RNF41: variants seen among roughly 807,000 people sequenced by gnomAD.
RNF41 encodes E3 ubiquitin-protein ligase NRDP1.
Under a neutral mutation model 33.0 loss-of-function variants are expected in RNF41, and 4 were observed. The ratio of observed to expected loss-of-function variants is 0.12; its 90% CI spans 0.06 to 0.28. The LOEUF is 0.28. Ranked by LOEUF, RNF41 falls within the 10% of genes least tolerant of loss-of-function variation. The probability of loss-of-function intolerance (pLI) is 1.00; values close to 1 mark genes in which losing one functional copy is unlikely to be tolerated. For missense variants in RNF41, 228 were observed against 432.6 expected (o/e 0.53, Z 4.19); for synonymous variants, 164 against 153.2 (o/e 1.07, Z -0.52).
intron 3 of RNF41, among the ~76,000 whole-genome samples, chr12:56,211,730 T>G (rs1349502688): frequency 1.3e-5 from 2 of 152,008 alleles, no homozygotes; most frequent in African/African-American, 4.8e-5. Flanking sequence ...CCCAGCACTT[T>G]GGGAGGCTGA....
At chr12:56,208,416 C>G in intron 4 of RNF41, 118 bp from the exon 5 acceptor site, 1 of 1,077,616 alleles carries the variant, frequency 9.3e-7, no homozygotes, top group Non-Finnish European at 1.3e-6. Flanking sequence ...AAATTTCTAA[C>G]ATTCATTTCA....
Position 56,204,750 on chromosome 12 carries a change from A to G in RNF41, c.*1697T>C, listed in dbSNP as rs1317099339. The G allele has an allele frequency of 1.3e-5, 2 of 152,594 alleles. No individual in the cohort carries two copies. The highest frequency in any genetic ancestry group is 6.6e-5 in the Admixed American group (1 of 15,256). The allele number at this position is 152,594 out of a possible 1,614,324, so 9.5% of individuals were successfully genotyped here. A position where few individuals can be genotyped will look rare whatever the true frequency, so the allele number is the denominator to read the frequency against. ...CAGCGTTTTCAAATTCCTGAGCACA[A>G]TGTCCCAGAGCTGGAACCCTACTCC... On this transcript the variant is annotated 3_prime_UTR_variant, in exon 7 of 7. Transcript: ENST00000345093.
intron 1 of RNF41, 22 bp downstream of exon 1, chr12:56,221,738 A>T (rs1869471749): frequency 1.3e-5 from 2 of 152,372 alleles, no homozygotes; most frequent in South Asian, 4.1e-4. Context: ...TAGGTGGAAG[A>T]TCGCGCAGGC....
At chr12:56,208,034 G>C in intron 5 of RNF41, 129 bp downstream of exon 5, 1 of 1,143,642 alleles carries the variant, frequency 8.7e-7, no homozygotes, top group Non-Finnish European at 1.3e-6. Context: ...GCCACAGGCA[G>C]AATATCCACT....
intron 6 of RNF41, 145 bp downstream of exon 6, chr12:56,207,501 C>T: frequency 1.3e-6 from 1 of 772,508 alleles, no homozygotes; most frequent in Non-Finnish European, 2.3e-6. Context: ...TTCTCCTCTG[C>T]CCCTGTCCTT....
intron 2 of RNF41, among the ~76,000 whole-genome samples, chr12:56,216,121 CAA>C (rs967992100): frequency 4.7e-5 from 6 of 126,704 alleles, no homozygotes; most frequent in Admixed American, 7.9e-5. Flanking sequence ...GACTCTGTCT[CAA>C]AAAAAAAAAA....
At chr12:56,213,351 C>T (rs1868624387) in intron 3 of RNF41, among the ~76,000 whole-genome samples, 1 of 152,090 alleles carries the variant, frequency 6.6e-6, no homozygotes, top group South Asian at 2.1e-4. Context: ...AGGTGTGTGC[C>T]ACCACGCCCA....
intron 2 of RNF41, among the ~76,000 whole-genome samples, chr12:56,216,121 CAAA>C (rs967992100): frequency 7.9e-6 from 1 of 126,730 alleles, no homozygotes; most frequent in African/African-American, 3.1e-5. Flanking sequence ...GACTCTGTCT[CAAA>C]AAAAAAAAAG....
chr12:56,210,094 CT>C, intron 4 of RNF41: 1 of 596,680 alleles, frequency 1.7e-6, no homozygotes, highest in Non-Finnish European at 3.0e-6. Flanking sequence ...TGTGCCCCTT[CT>C]TTTGTTAAAG....
At chr12:56,220,825 A>G (rs1242865197) in intron 1 of RNF41, among the ~76,000 whole-genome samples, 1 of 152,052 alleles carries the variant, frequency 6.6e-6, no homozygotes, top group Non-Finnish European at 1.5e-5. Flanking sequence ...TTTTTACTAG[A>G]AGGCAGGGCT....
chr12:56,214,782 T>C (rs1383836258), intron 2 of RNF41, among the ~76,000 whole-genome samples: 4 of 151,918 alleles, frequency 2.6e-5, no homozygotes, highest in South Asian at 2.1e-4. Context: ...TGAGCCGAGA[T>C]TGCACCACAG....
intron 6 of RNF41, chr12:56,207,086 T>C: frequency 1.5e-6 from 2 of 1,344,990 alleles, no homozygotes; most frequent in South Asian, 1.5e-5. Flanking sequence ...TAGTGCTCTA[T>C]GTTTAGTGAA....
intron 4 of RNF41, 101 bp downstream of exon 4, chr12:56,210,196 A>G (rs1868376553): frequency 1.5e-6 from 2 of 1,312,328 alleles, no homozygotes; most frequent in Non-Finnish European, 2.1e-6. Flanking sequence ...CCTTGCCAAC[A>G]TGCCAAAGAG....
intron 4 of RNF41, among the ~76,000 whole-genome samples, chr12:56,208,725 C>T (rs7967464): frequency 0.062 from 9,012 of 145,098 alleles, 852 homozygotes; most frequent in African/African-American, 0.21. Flanking sequence ...CCACCATGGC[C>T]GGCTAACTTT....
intron 2 of RNF41, among the ~76,000 whole-genome samples, chr12:56,215,413 T>C (rs1247544561): frequency 1.3e-5 from 2 of 151,540 alleles, no homozygotes; most frequent in Admixed American, 1.3e-4. Flanking sequence ...GTGGTGGTGG[T>C]GATGGGGATA....
chr12:56,210,013 T>C (rs1868368798), intron 4 of RNF41: 2 of 426,350 alleles, frequency 4.7e-6, no homozygotes, highest in South Asian at 6.9e-5. Flanking sequence ...AAACGGAAAG[T>C]AGTATTGGAC....
In RNF41 at chr12:56,206,328, G is replaced by T; in HGVS notation, c.*119C>A. Reference sequence around the variant, plus strand: ...CCCTTCAGTGCCAGAAGGGCAGGGAGATGTGTGGCTCAGGTATAAGCCACA... The same window carrying T: ...CCCTTCAGTGCCAGAAGGGCAGGGATATGTGTGGCTCAGGTATAAGCCACA... On this transcript the variant is annotated 3_prime_UTR_variant, in exon 7 of 7. Transcript: ENST00000345093. This position sits in a 1 kb window ranked among gnomAD's most constrained non-coding sequence, Gnocchi z 5.7. 3.4e-6 allele frequency: 3 copies of T among 872,150 alleles called. No homozygotes were observed. The highest frequency in any genetic ancestry group is 3.6e-6 in the Non-Finnish European group (2 of 558,370). The allele number at this position is 872,150 out of a possible 1,614,324, so 54.0% of individuals were successfully genotyped here. A position where few individuals can be genotyped will look rare whatever the true frequency, so the allele number is the denominator to read the frequency against.
At chr12:56,211,336 T>A (rs1225938412) in intron 3 of RNF41, among the ~76,000 whole-genome samples, 1 of 151,776 alleles carries the variant, frequency 6.6e-6, no homozygotes, top group Non-Finnish European at 1.5e-5. Context: ...AGAACCTGTT[T>A]CAAAATAAAT....
In RNF41 at chr12:56,206,777, T is replaced by C. The variant is rs746012873; in HGVS notation, c.624A>G (p.Pro208=). ...TCCCTCCCCAGCGGGTCACTCTTGC[T>C]GGCTGAAGGGAGTTCACCCACCTGT... ...EILEWVNSLQ[P]ARVTRWGGMI... Residue 208 remains proline, a synonymous_variant, in exon 7 of 7, where the codon CCA becomes CCG. Coordinates refer to ENST00000345093, the MANE Select transcript of RNF41 (RefSeq NM_005785.4). This position sits in a 1 kb window ranked among gnomAD's most constrained non-coding sequence, Gnocchi z 5.7. 1 of 1,613,820 alleles carries C rather than the reference T, an allele frequency of 6.2e-7. No homozygotes were observed. Among genetic ancestry groups the C allele is most frequent in the South Asian group, 1.1e-5 (1 of 91,064 alleles).
Sources: gnomAD v4.1 joint callset for allele counts (sites outside exome capture counted in the v4.1 genomes callset) on GRCh38, gnomAD v4.1.1 for gene constraint, Gnocchi (gnomAD v3.1) non-coding constraint, MANE v1.5 for transcripts, NCBI Gene and HGNC (gene_info 2026-07-23, HGNC 2026-07-21) for gene names.